The following PLXNA4 variants were observed in gnomAD, a reference collection of about 807,000 sequenced individuals.
PLXNA4 encodes plexin A4.
PLXNA4 carries 44 observed loss-of-function variants against 191.8 expected under a neutral mutation model. The ratio of observed to expected loss-of-function variants is 0.23; its 90% CI spans 0.18 to 0.29. The LOEUF (loss-of-function observed/expected upper bound fraction) is 0.29, where lower values mean the gene tolerates loss of function less well. Among genes scored for constraint, PLXNA4 ranks in the 10% least tolerant of loss-of-function variants. PLXNA4 has a pLI of 1.00. For missense variants in PLXNA4, 1,800 were observed against 2,488.8 expected (o/e 0.72, Z 5.89); for synonymous variants, 1,082 against 1,009.5 (o/e 1.07, Z -1.36).
chr7:132,437,235 T>C (rs1795505132), intron 3 of PLXNA4, among the ~76,000 whole-genome samples: 2 of 152,068 alleles, frequency 1.3e-5, no homozygotes, highest in African/African-American at 4.8e-5. Context: ...TCAAAGACAA[T>C]CAGAAGTGCA....
chr7:132,188,998 G>GGAAA lies in PLXNA4; in HGVS notation c.2857-1392_2857-1391insTTTC, dbSNP rs1562908835. ...GGAAAGGAAAGGAAAGGAAAGGAGA[G>GGAAA]AGAGAGAGAGAGAGAGAGAGAGAGA... On this transcript the variant is annotated intron_variant, in intron 14 of 31. Transcript: ENST00000321063. 2.5e-4 allele frequency among the ~76,000 whole-genome samples: 13 copies of GGAAA among 50,984 alleles called. 1 individual carries two copies. Among genetic ancestry groups the GGAAA allele is most frequent in the East Asian group, 7.4e-4 (1 of 1,344 alleles). The allele number at this position is 50,984 out of a possible 152,430, so 33.4% of individuals were successfully genotyped here.
At chr7:132,405,103 T>C (rs1299629586) in intron 3 of PLXNA4, among the ~76,000 whole-genome samples, 7 of 151,798 alleles carry the variant, frequency 4.6e-5, no homozygotes, top group Admixed American at 4.6e-4. Flanking sequence ...CATGTATGCA[T>C]GTGTGTGTGT....
chr7:132,272,552 C>T (rs180829019), intron 4 of PLXNA4, among the ~76,000 whole-genome samples: 246 of 152,260 alleles, frequency 1.6e-3, no homozygotes, highest in African/African-American at 5.5e-3. Flanking sequence ...AGTTTCATTC[C>T]TGCCTAAATC....
At chr7:132,418,204 C>T (rs567438862) in intron 3 of PLXNA4, among the ~76,000 whole-genome samples, 3 of 152,242 alleles carry the variant, frequency 2.0e-5, no homozygotes, top group African/African-American at 7.2e-5. Context: ...CACCCCTTTT[C>T]CAGGCTCTAA....
At chr7:132,557,548 T>TAA (rs1554468490) in intron 1 of PLXNA4, among the ~76,000 whole-genome samples, 2 of 111,844 alleles carry the variant, frequency 1.8e-5, no homozygotes, top group Non-Finnish European at 3.8e-5. Flanking sequence ...TATCTTTTTT[T>TAA]TAAAAAAAAA....
chr7:132,635,496 A>G (rs1174300531), intron 2 of PLXNA4, among the ~76,000 whole-genome samples: 1 of 152,168 alleles, frequency 6.6e-6, no homozygotes, highest in Non-Finnish European at 1.5e-5. Context: ...TAGATTCAAA[A>G]TAACCAAGAG....
chr7:132,420,328 A>G (rs1401954020), intron 3 of PLXNA4, among the ~76,000 whole-genome samples: 1 of 152,214 alleles, frequency 6.6e-6, no homozygotes, highest in African/African-American at 2.4e-5. Flanking sequence ...ACTGTGATCC[A>G]GTAGATTCCT....
chr7:132,224,164 T>C (rs1207625002), intron 8 of PLXNA4, among the ~76,000 whole-genome samples: 3 of 152,088 alleles, frequency 2.0e-5, no homozygotes, highest in Non-Finnish European at 2.9e-5. Context: ...TTATAAGAGC[T>C]CCTGACTCCT....
intron 3 of PLXNA4, among the ~76,000 whole-genome samples, chr7:132,306,553 C>A (rs563391263): frequency 3.9e-5 from 6 of 152,262 alleles, no homozygotes; most frequent in South Asian, 2.1e-4. Context: ...CTCAGTTGGA[C>A]CCACAGGTTC....
intron 2 of PLXNA4, among the ~76,000 whole-genome samples, chr7:132,634,152 T>A (rs890750964): frequency 2.0e-5 from 3 of 152,138 alleles, no homozygotes; most frequent in Admixed American, 2.0e-4. Context: ...CTTGGCCCAT[T>A]CCTTGGAATG....
intron 3 of PLXNA4, among the ~76,000 whole-genome samples, chr7:132,392,416 T>C (rs1793534912): frequency 6.6e-6 from 1 of 152,232 alleles, no homozygotes; most frequent in African/African-American, 2.4e-5. Flanking sequence ...ACTCACTCTC[T>C]GAAAAGTGCG....
intron 3 of PLXNA4, among the ~76,000 whole-genome samples, chr7:132,315,707 A>G (rs1354472349): frequency 6.6e-6 from 1 of 152,208 alleles, no homozygotes; most frequent in African/African-American, 2.4e-5. Context: ...GCAGTGGTCA[A>G]TTCTGAGGAG....
At chr7:132,420,403 C>T (rs1794808721) in intron 3 of PLXNA4, among the ~76,000 whole-genome samples, 2 of 152,302 alleles carry the variant, frequency 1.3e-5, no homozygotes, top group Admixed American at 1.3e-4. Flanking sequence ...TTGGCTCATG[C>T]ATAGAATCTA....
intron 3 of PLXNA4, among the ~76,000 whole-genome samples, chr7:132,350,040 T>C (rs1803418985): frequency 6.6e-6 from 1 of 152,134 alleles, no homozygotes; most frequent in Admixed American, 6.5e-5. Context: ...TTCCCCACAT[T>C]CTCTGAGTGA....
chr7:132,601,961 T>G (rs1404801756), intron 2 of PLXNA4, among the ~76,000 whole-genome samples: 2 of 152,250 alleles, frequency 1.3e-5, no homozygotes, highest in Non-Finnish European at 2.9e-5. Context: ...TCTCTCATTC[T>G]TACTCAGATC....
At chr7:132,536,849 A>G (rs1051912741) in intron 1 of PLXNA4, among the ~76,000 whole-genome samples, 10 of 152,258 alleles carry the variant, frequency 6.6e-5, no homozygotes, top group African/African-American at 2.2e-4. Context: ...TAGGGCAGAA[A>G]GAGACAGTCA....
intron 3 of PLXNA4, among the ~76,000 whole-genome samples, chr7:132,447,546 A>G (rs1585148558): frequency 6.6e-6 from 1 of 152,226 alleles, no homozygotes; most frequent in East Asian, 1.9e-4. Flanking sequence ...TGTTACAAAC[A>G]GAGGATCTCT....
rs145488832 is a variant in PLXNA4 at position 132,635,419 on chromosome 7, G to A, written c.-87+10509C>T. ...AGGGATATGGCCCCTGTCCCCAGGA[G>A]CTTGTAAATTGGCTGGAAGGATGAT... is the stretch of plus-strand genomic sequence containing the variant. On this transcript the variant is annotated intron_variant, in intron 2 of 4. Coordinates refer to the PLXNA4 transcript ENST00000378539. Among the ~76,000 whole-genome samples the A allele has an allele frequency of 5.8e-3, 886 of 152,094 alleles. 6 individuals carry two copies. Among genetic ancestry groups the A allele is most frequent in the Middle Eastern group, 0.048 (14 of 294 alleles).
intron 3 of PLXNA4, among the ~76,000 whole-genome samples, chr7:132,411,045 C>T (rs1302131818): frequency 1.3e-5 from 2 of 152,204 alleles, no homozygotes; most frequent in African/African-American, 4.8e-5. Context: ...AATAAAGAAA[C>T]ATGAGGGTTT....
Sources: gnomAD v4.1 joint callset for allele counts (sites outside exome capture counted in the v4.1 genomes callset) on GRCh38, gnomAD v4.1.1 for gene constraint, MANE v1.5 for transcripts, NCBI Gene and HGNC (gene_info 2026-07-23, HGNC 2026-07-21) for gene names.